The following NAA25 variants were observed in gnomAD, a reference collection of about 807,000 sequenced individuals.
NAA25 encodes N-terminal acetyltransferase B complex subunit NAA25.
In NAA25, 30 loss-of-function variants were observed where a neutral mutation model predicts 132.5. That is an observed-to-expected ratio of 0.23 (90% CI 0.17 to 0.31). The LOEUF (loss-of-function observed/expected upper bound fraction) is 0.31. Among genes scored for constraint, NAA25 ranks in the 10% least tolerant of loss-of-function variants. NAA25 has a pLI of 1.00. For missense variants in NAA25, 771 were observed against 1,150.4 expected (o/e 0.67, Z 4.77); for synonymous variants, 359 against 401.9 (o/e 0.89, Z 1.28).
chr12:112,107,396 G>A (rs181632684), intron 1 of NAA25, among the ~76,000 whole-genome samples: 1 of 148,608 alleles, frequency 6.7e-6, no homozygotes, highest in Admixed American at 6.7e-5. Context: ...TTTTTTTGTT[G>A]TTGTTGTTGT....
intron 21 of NAA25, chr12:112,040,181 T>C (rs2078282496): frequency 4.4e-6 from 1 of 225,060 alleles, no homozygotes; most frequent in Non-Finnish European, 8.5e-6. Context: ...AACTACATAA[T>C]AAAGAGTGAG....
intron 14 of NAA25, 50 bp from the exon 15 acceptor site, chr12:112,053,707 C>T (rs1566007096): frequency 1.5e-6 from 2 of 1,333,564 alleles, no homozygotes. Flanking sequence ...TACTTACTTA[C>T]CTAGCTCAAG....
chr12:112,096,450 T>G (rs1223310286), intron 1 of NAA25, among the ~76,000 whole-genome samples: 4 of 152,218 alleles, frequency 2.6e-5, no homozygotes, highest in Non-Finnish European at 5.9e-5. Flanking sequence ...AATTAACACT[T>G]AACTAAAACT....
chr12:112,062,348 C>T (rs2078644143), intron 11 of NAA25, among the ~76,000 whole-genome samples: 1 of 151,182 alleles, frequency 6.6e-6, no homozygotes, highest in Non-Finnish European at 1.5e-5. Flanking sequence ...TTGCTGTGAG[C>T]CAAGATTGTT....
rs754365979 is a variant in NAA25, at chr12:112,061,239, A to G, written c.1299T>C (p.Asn433=). Reference sequence around the variant, plus strand: ...ATTCTCTGACCACACTCAATTTCTGATTTTTATCCATGGTGTGGTACAAGC... The same window carrying G: ...ATTCTCTGACCACACTCAATTTCTGGTTTTTATCCATGGTGTGGTACAAGC... ...LLGLYHTMDK[N]QKLSVVRELM... Residue 433 remains asparagine, a synonymous_variant, in exon 12 of 24, where the codon AAT becomes AAC. Transcript: ENST00000261745. 6.2e-7 allele frequency: 1 copy of G among 1,614,064 alleles called. No individual in the cohort carries two copies. The highest frequency in any genetic ancestry group is 1.1e-5 in the South Asian group (1 of 91,074).
rs779900567 is a variant in NAA25, at chr12:112,042,046, C to T, written c.2433G>A (p.Gln811=). Residue 811 remains glutamine (Q), a synonymous_variant, in exon 20 of 24, where the codon CAG becomes CAA. Coordinates refer to ENST00000261745, the MANE Select transcript of NAA25 (RefSeq NM_024953.4). Reference sequence around the variant, plus strand: ...TACAGTAGGAAAACTTACCTTTTAACTGGTCTAGTAAAGACTTAAAACTAT... The same window carrying T: ...TACAGTAGGAAAACTTACCTTTTAATTGGTCTAGTAAAGACTTAAAACTAT... The part of the protein sequence containing the change: ...IENSFKSLLD[Q]LKDVFSKCKG... 1.4e-6 allele frequency: 2 copies of T among 1,480,830 alleles called. No individual in the cohort carries two copies. Among genetic ancestry groups the T allele is most frequent in the Non-Finnish European group, 1.8e-6 (2 of 1,113,208 alleles). The allele number at this position is 1,480,830 out of a possible 1,614,324, so 91.7% of individuals were successfully genotyped here. A position where few individuals can be genotyped will look rare whatever the true frequency, so the allele number is the denominator to read the frequency against.
chr12:112,070,975 G>A (rs1220770951), intron 10 of NAA25, among the ~76,000 whole-genome samples: 2 of 152,370 alleles, frequency 1.3e-5, no homozygotes, highest in East Asian at 3.9e-4. Context: ...TTGAACACCT[G>A]ACCTCAGGTG....
chr12:112,082,698 A>G (rs1396854124), intron 4 of NAA25, among the ~76,000 whole-genome samples: 1 of 150,386 alleles, frequency 6.6e-6, no homozygotes, highest in Non-Finnish European at 1.5e-5. Context: ...AAGGGAAAGT[A>G]GAGAGGAGAA....
chr12:112,072,133 C>T lies in NAA25; in HGVS notation c.867-69G>A, dbSNP rs1299936749. On this transcript the variant is annotated intron_variant, in intron 9 of 23. Transcript: ENST00000261745. ...TCCTTCCCGAAGCTTAAAGTCAAGC[C>T]AAACTCATTTAAAAAGAGAAAAACG... 3.6e-6 allele frequency: 3 copies of T among 843,678 alleles called. No individual in the cohort carries two copies. In the African/African-American group the frequency reaches 5.4e-5, roughly 15 times the overall value. 52.3% of individuals were successfully genotyped at this position (843,678 alleles called of 1,614,324 possible).
At position 112,049,088 on chromosome 12, in the gene NAA25, T is replaced by G. The variant is rs1002356853; in HGVS notation, c.1729-645A>C. Among the ~76,000 whole-genome samples, 5 of 152,208 alleles carry G rather than the reference T, an allele frequency of 3.3e-5. No individual in the cohort carries two copies. Among genetic ancestry groups the G allele is most frequent in the African/African-American group, 1.2e-4 (5 of 41,452 alleles). On this transcript the variant is annotated intron_variant, in intron 15 of 23. Transcript: ENST00000261745. This position sits in a 1 kb window ranked among gnomAD's most constrained non-coding sequence, Gnocchi z 4.7. ...AAGTTTCTTGTCCATCTACATTACG[T>G]AAGACCTCTGCTGGAAATTTCCTTA... is the stretch of plus-strand genomic sequence containing the variant.
chr12:112,059,105 A>C (rs1451695679), intron 13 of NAA25, among the ~76,000 whole-genome samples: 1 of 91,602 alleles, frequency 1.1e-5, no homozygotes, highest in Non-Finnish European at 1.9e-5. Flanking sequence ...AAAAAAAAAA[A>C]AAAAAAAAAA....
Position 112,029,607 on chromosome 12 carries a change from C to G in NAA25, c.2843G>C (p.Ser948Thr). 1 of 1,613,902 alleles carries G rather than the reference C, an allele frequency of 6.2e-7. No homozygotes were observed. The highest frequency in any genetic ancestry group is 8.5e-7 in the Non-Finnish European group (1 of 1,179,932). The change falls in exon 24 of 24, where the codon AGT becomes ACT. Residue 948 changes from serine to threonine, a missense_variant. By Grantham distance (58) the Ser-to-Thr change is moderately conservative. This residue lies in a region of NAA25 where 324 missense variants were observed against 400.0 expected (regional missense o/e 0.81). Coordinates refer to ENST00000261745, the MANE Select transcript of NAA25 (RefSeq NM_024953.4). The part of the protein sequence containing the change: ...SKTVQGKVQS[S>T]YLHSLLEMGE... ...CATTTCCAGAAGTGAGTGCAGATAACTGCTCTGCACCTTCCCTTGCACAGT... is the reference window on the plus strand; with the variant it reads ...CATTTCCAGAAGTGAGTGCAGATAAGTGCTCTGCACCTTCCCTTGCACAGT...
In NAA25 at chr12:112,069,186, AC is replaced by A. The variant is rs1186829099; in HGVS notation, c.1037-195del. 5 of 522,498 alleles carry A rather than the reference AC, an allele frequency of 9.6e-6. No individual in the cohort carries two copies. In the African/African-American group the frequency reaches 9.6e-5, roughly 10 times the overall value. 32.4% of individuals were successfully genotyped at this position (522,498 alleles called of 1,614,324 possible). The stretch of plus-strand genomic sequence containing the variant: ...ATTGTTCTACTCTTTCCCCCTTTTC[AC>A]CACTGCACCTGACTAGTCTTTAAAA... On this transcript the variant is annotated intron_variant, in intron 10 of 23. Coordinates refer to ENST00000261745, the MANE Select transcript of NAA25 (RefSeq NM_024953.4).
chr12:112,062,892 A>T (rs1408968742), intron 11 of NAA25, among the ~76,000 whole-genome samples: 12 of 151,788 alleles, frequency 7.9e-5, no homozygotes, highest in African/African-American at 2.7e-4. Context: ...AAAAACAAAC[A>T]AACAAACAAA....
At chr12:112,084,865 G>A (rs1015430555) in intron 4 of NAA25, among the ~76,000 whole-genome samples, 1 of 151,696 alleles carries the variant, frequency 6.6e-6, no homozygotes, top group African/African-American at 2.4e-5. Context: ...GGGAGGCTGA[G>A]GCAGGTAGAT....
intron 23 of NAA25, among the ~76,000 whole-genome samples, chr12:112,031,149 C>T (rs971151408): frequency 8.6e-5 from 13 of 151,946 alleles, no homozygotes; most frequent in Non-Finnish European, 1.3e-4. Flanking sequence ...TATAAATACA[C>T]ACAAAAAGGT....
At chr12:112,034,324 C>G (rs1181094054) in intron 22 of NAA25, 1 of 152,100 alleles carries the variant, frequency 6.6e-6, no homozygotes, top group African/African-American at 2.4e-5. Context: ...ATGGTAAAAC[C>G]CCATCTCTAC....
In NAA25 at chr12:112,029,388, A is replaced by G; in HGVS notation, c.*143T>C. ...AATCAGTTGTATATATTTAACACCTAAAAAAATTCACGATCAAAGTCCTTC... is the reference window on the plus strand; with the variant it reads ...AATCAGTTGTATATATTTAACACCTGAAAAAATTCACGATCAAAGTCCTTC... On this transcript the variant is annotated 3_prime_UTR_variant, in exon 24 of 24. Transcript: ENST00000261745. 1 of 1,343,940 alleles carries G rather than the reference A, an allele frequency of 7.4e-7. No individual in the cohort carries two copies. Among genetic ancestry groups the G allele is most frequent in the Non-Finnish European group, 1.0e-6 (1 of 987,356 alleles). The allele number at this position is 1,343,940 out of a possible 1,614,324, so 83.3% of individuals were successfully genotyped here.
chr12:112,039,315 A>G lies in NAA25; in HGVS notation c.2563T>C (p.Ser855Pro), dbSNP rs1459571126. 6.2e-7 allele frequency: 1 copy of G among 1,609,914 alleles called. No individual in the cohort carries two copies. The highest frequency in any genetic ancestry group is 8.5e-7 in the Non-Finnish European group (1 of 1,177,684). ...CGTAGGACACTCTCACAGTAACTGG[A>G]TACCCAAAGGATAACAGAAATAGTC... ...VETISVILWV[S>P]SYCESVLRPY... The change falls in exon 22 of 24, where the codon TCC becomes CCC. Residue 855 changes from serine to proline, a missense_variant. Ser to Pro is a moderately conservative substitution (Grantham distance 74). This residue lies in a region of NAA25 where 324 missense variants were observed against 400.0 expected (regional missense o/e 0.81). Transcript: ENST00000261745.
Sources: gnomAD v4.1 joint callset for allele counts (sites outside exome capture counted in the v4.1 genomes callset) on GRCh38, gnomAD v4.1.1 for gene constraint, gnomAD v4.1.1 regional missense constraint, Gnocchi (gnomAD v3.1) non-coding constraint, MANE v1.5 for transcripts, NCBI Gene and HGNC (gene_info 2026-07-23, HGNC 2026-07-21) for gene names.